TMCC2: variants seen among roughly 807,000 people sequenced by gnomAD.
TMCC2 encodes transmembrane and coiled-coil domain family 2, also known as transmembrane and coiled-coil domains protein 2.
TMCC2 carries 16 observed loss-of-function variants against 49.4 expected under a neutral mutation model. That is an observed-to-expected ratio of 0.32 (90% CI 0.22 to 0.49). The LOEUF is 0.49. Among genes scored for constraint, TMCC2 ranks in the 20% least tolerant of loss-of-function variants. The probability of loss-of-function intolerance (pLI) is 0.99; values close to 1 mark genes in which losing one functional copy is unlikely to be tolerated. For synonymous variants in TMCC2, 397 were observed against 434.1 expected, an observed-to-expected ratio of 0.91 and a Z score of 1.06; for missense variants, 762 against 989.8, an observed-to-expected ratio of 0.77 and a Z score of 3.09.
rs1209305071 is a variant in TMCC2 at position 205,272,077 on chromosome 1, T to A, written c.2083T>A (p.Trp695Arg). 7 of 1,614,106 alleles carry A rather than the reference T, an allele frequency of 4.3e-6. No homozygotes were observed. The highest frequency in any genetic ancestry group is 5.9e-6 in the Non-Finnish European group (7 of 1,179,944). The change falls in exon 5 of 5, where the codon TGG (tryptophan) becomes AGG (arginine). Residue 695 changes from tryptophan to arginine, a missense_variant. This residue lies in a region of TMCC2 where 440 missense variants were observed against 636.7 expected (regional missense o/e 0.69). Transcript: ENST00000358024. ...CGTCCTGTTCCTCCTCTGGAAGCACTGGGACTCCCTCACCTACCTCCTGGA... is the reference window on the plus strand; with the variant it reads ...CGTCCTGTTCCTCCTCTGGAAGCACAGGGACTCCCTCACCTACCTCCTGGA... ...VLVLFLLWKH[W>R]DSLTYLLEHV...
At chr1:205,232,319 C>A (rs141502172) in intron 1 of TMCC2, among the ~76,000 whole-genome samples, 1 of 152,190 alleles carries the variant, frequency 6.6e-6, no homozygotes, top group Admixed American at 6.5e-5. Flanking sequence ...GTGGGACCTT[C>A]GGGGAAAATC....
At chr1:205,236,783 A>G (rs896317) in intron 1 of TMCC2, 32,273 of 152,248 alleles carry the variant, frequency 0.21, 3,752 homozygotes, top group East Asian at 0.4. Context: ...AGAGGGCTTT[A>G]TGGAGTGGCG....
At chr1:205,235,294 C>T (rs528200790) in intron 1 of TMCC2, among the ~76,000 whole-genome samples, 2 of 152,062 alleles carry the variant, frequency 1.3e-5, no homozygotes, top group African/African-American at 2.4e-5. Context: ...TCCCTGTTCT[C>T]CTGCCACATA....
Position 205,253,054 on chromosome 1 carries a change from GC to G in TMCC2, c.747+11016del, listed in dbSNP as rs1295212895. On this transcript the variant is annotated intron_variant, in intron 2 of 4. Transcript: ENST00000358024. ...GAGGCTGAGGCAGAGGATCATTTGA[GC>G]CCCCCAGAGTTTGAGGCTTCCGTGA... 3.3e-5 allele frequency among the ~76,000 whole-genome samples: 5 copies of G among 151,932 alleles called. No individual in the cohort carries two copies. The East Asian group carries it at 7.7e-4, about 24-fold the overall frequency.
At chr1:205,257,693 G>C (rs1660934919) in intron 2 of TMCC2, among the ~76,000 whole-genome samples, 1 of 152,208 alleles carries the variant, frequency 6.6e-6, no homozygotes, top group Non-Finnish European at 1.5e-5. Flanking sequence ...GGGTGTTCCT[G>C]GTTGTGGTCG....
In TMCC2 at chr1:205,268,955, T is replaced by C. The variant is rs765368062; in HGVS notation, c.753T>C (p.Asp251=). ...EEAEGIGDKV[D]KGDLVALSLP... is the part of the protein sequence containing the mutation. The stretch of plus-strand genomic sequence containing the variant: ...CTGCCTGCCTCTTTCCCCAGGTCGA[T>C]AAGGGAGACCTGGTGGCCCTGAGCC... The change falls in exon 3 of 5, where the codon GAT becomes GAC. Residue 251 remains aspartate, a synonymous_variant. Coordinates refer to ENST00000358024, the MANE Select transcript of TMCC2 (RefSeq NM_014858.4). 4 of 1,612,238 alleles carry C rather than the reference T, an allele frequency of 2.5e-6. No individual in the cohort carries two copies. In the South Asian group the frequency reaches 4.4e-5, roughly 18 times the overall value.
At chr1:205,239,045 T>C (rs1334387518) in intron 1 of TMCC2, among the ~76,000 whole-genome samples, 1 of 151,812 alleles carries the variant, frequency 6.6e-6, no homozygotes, top group Non-Finnish European at 1.5e-5. Context: ...TCCACCAGCC[T>C]CCCGGGGATA....
intron 2 of TMCC2, among the ~76,000 whole-genome samples, chr1:205,246,280 G>A (rs1403310829): frequency 8.1e-6 from 1 of 123,712 alleles, no homozygotes; most frequent in Non-Finnish European, 1.6e-5. Flanking sequence ...AATAGAATGA[G>A]TACCTGGCAA....
Position 205,241,773 on chromosome 1 carries a change from C to CCG in TMCC2, c.477_478insGC (p.Ser160AlafsTer100). ...GTGCTGCAGCAGATCCGCTCCCGGC[C>CCG]CTCCATCAAGCGGGGCGCCAGCCTG... On this transcript the variant is annotated frameshift_variant, in exon 2 of 5. Transcript: ENST00000358024. LOFTEE classifies it high-confidence loss of function. The surrounding 1 kb of genome is among the most constrained non-coding windows in gnomAD (Gnocchi z 7.3). 2 of 1,610,880 alleles carry CCG rather than the reference C, an allele frequency of 1.2e-6. No individual in the cohort carries two copies. Among genetic ancestry groups the CCG allele is most frequent in the Non-Finnish European group, 1.7e-6 (2 of 1,179,416 alleles).
chr1:205,249,659 G>A (rs1445051193), intron 2 of TMCC2, among the ~76,000 whole-genome samples: 2 of 152,218 alleles, frequency 1.3e-5, no homozygotes, highest in African/African-American at 4.8e-5. Flanking sequence ...GCCAGCCTCT[G>A]CCGGCCTGCC....
intron 2 of TMCC2, among the ~76,000 whole-genome samples, chr1:205,254,842 C>T (rs1284684360): frequency 6.6e-6 from 1 of 152,208 alleles, no homozygotes; most frequent in Non-Finnish European, 1.5e-5. Flanking sequence ...TCTCAGCTCA[C>T]TCGGCCCCTC....
In TMCC2 at chr1:205,272,104, C is replaced by T. The variant is rs1452391147; in HGVS notation, c.2110C>T (p.His704Tyr). ...GGACTCCCTCACCTACCTCCTGGAG[C>T]ACGTGTTGCTGCCCAGCTGAGTGGC... ...HWDSLTYLLEHVLLPS is the reference protein window; with the variant it reads ...HWDSLTYLLEYVLLPS Residue 704 changes from histidine (H) to tyrosine (Y), a missense_variant, in exon 5 of 5, where the codon CAC becomes TAC. Physicochemically the swap from His to Tyr is moderately conservative, Grantham distance 83. Around this residue, in one of 2 missense-constraint regions of TMCC2, gnomAD observed 440 missense variants for 636.7 expected, o/e 0.69. Transcript: ENST00000358024. The T allele has an allele frequency of 1.2e-6, 2 of 1,612,866 alleles. No homozygotes were observed. Among genetic ancestry groups the T allele is most frequent in the South Asian group, 1.1e-5 (1 of 91,068 alleles).
At position 205,269,772 on chromosome 1, in the gene TMCC2, C is replaced by T. The variant is rs143084368; in HGVS notation, c.1570C>T (p.Arg524Trp). The T allele has an allele frequency of 9.3e-6, 15 of 1,613,992 alleles. No individual in the cohort carries two copies. Among genetic ancestry groups the T allele is most frequent in the Admixed American group, 1.7e-5 (1 of 60,004 alleles). ...GNLDALLEEL[R>W]EIKEGQSHLE... ...CCTGGATGCTCTGCTGGAAGAGCTA[C>T]GGGAGATCAAGGAGGGACAGTCTCA... Residue 524 changes from arginine (R) to tryptophan (W), a missense_variant, in exon 3 of 5, where the codon CGG becomes TGG. Arg to Trp is a moderately radical substitution (Grantham distance 101). Coordinates refer to ENST00000358024, the MANE Select transcript of TMCC2 (RefSeq NM_014858.4).
At chr1:205,235,185 C>T (rs1361296340) in intron 1 of TMCC2, among the ~76,000 whole-genome samples, 4 of 151,810 alleles carry the variant, frequency 2.6e-5, no homozygotes, top group African/African-American at 9.7e-5. Context: ...AGGATTGCCT[C>T]CCCCCCACCC....
rs1442324030 is a variant in TMCC2, at chr1:205,268,980, C to T, written c.778C>T (p.Leu260Phe). Reference protein sequence around the residue: ...VDKGDLVALSLPAGHGDTDGP... With the variant: ...VDKGDLVALSFPAGHGDTDGP... Reference sequence around the variant, plus strand: ...TAAGGGAGACCTGGTGGCCCTGAGCCTCCCCGCCGGCCATGGTGACACCGA... The same window carrying T: ...TAAGGGAGACCTGGTGGCCCTGAGCTTCCCCGCCGGCCATGGTGACACCGA... Residue 260 changes from leucine to phenylalanine, a missense_variant, in exon 3 of 5, where the codon CTC (leucine) becomes TTC (phenylalanine). This residue lies in a region of TMCC2 where 440 missense variants were observed against 636.7 expected (regional missense o/e 0.69). Coordinates refer to ENST00000358024, the MANE Select transcript of TMCC2 (RefSeq NM_014858.4). The T allele has an allele frequency of 2.5e-6, 4 of 1,612,978 alleles. No individual in the cohort carries two copies. Among genetic ancestry groups the T allele is most frequent in the African/African-American group, 1.3e-5 (1 of 75,024 alleles).
At chr1:205,255,512 G>A (rs545671445) in intron 2 of TMCC2, among the ~76,000 whole-genome samples, 21 of 152,232 alleles carry the variant, frequency 1.4e-4, no homozygotes, top group South Asian at 1.2e-3. Flanking sequence ...CCAAGATCGC[G>A]TCAATGCATT....
chr1:205,233,438 A>G (rs1659890527), intron 1 of TMCC2, among the ~76,000 whole-genome samples: 1 of 152,226 alleles, frequency 6.6e-6, no homozygotes, highest in Non-Finnish European at 1.5e-5. Context: ...AGAGCAGGAA[A>G]GATAATTCGA....
Position 205,241,968 on chromosome 1 carries a change from C to T in TMCC2, c.671C>T (p.Thr224Ile), listed in dbSNP as rs775807545. Residue 224 changes from threonine (T) to isoleucine (I), a missense_variant, in exon 2 of 5, where the codon ACC becomes ATC. By Grantham distance (89) the Thr-to-Ile change is moderately conservative. Transcript: ENST00000358024. The surrounding 1 kb of genome is among the most constrained non-coding windows in gnomAD (Gnocchi z 7.3). ...HQCRPRSSST[T>I]DTALLLADGS... ...TGCCGTCCCCGCTCTTCCTCCACCA[C>T]CGACACTGCTCTGCTGCTGGCCGAC... The T allele has an allele frequency of 8.7e-6, 14 of 1,611,536 alleles. No individual in the cohort carries two copies. The East Asian group carries it at 2.0e-4, about 23-fold the overall frequency.
At chr1:205,239,106 A>G (rs1253973675) in intron 1 of TMCC2, among the ~76,000 whole-genome samples, 1 of 152,168 alleles carries the variant, frequency 6.6e-6, no homozygotes, top group Non-Finnish European at 1.5e-5. Context: ...AGTCTTTAGA[A>G]GGGAAACTCT....
Sources: allele counts gnomAD v4.1 joint callset (sites outside exome capture counted in the v4.1 genomes callset), GRCh38; gene constraint gnomAD v4.1.1; regional missense constraint gnomAD v4.1.1; non-coding constraint Gnocchi (gnomAD v3.1); transcripts MANE v1.5; gene names NCBI Gene and HGNC (gene_info 2026-07-23, HGNC 2026-07-21).